Variants in CCDC192 observed in about 807,000 individuals in gnomAD.
CCDC192 encodes the protein coiled-coil domain containing 192, also known as coiled-coil domain-containing protein 192.
chr5:127,729,229 C>A (rs1320875364), intron 2 of CCDC192, among the ~76,000 whole-genome samples: 1 of 152,144 alleles, frequency 6.6e-6, no homozygotes, highest in East Asian at 1.9e-4. Context: ...TCTGACAAAA[C>A]AGACCTTAAG....
intron 6 of CCDC192, chr5:127,935,625 A>G (rs1163293352): frequency 6.6e-6 from 1 of 152,200 alleles, no homozygotes; most frequent in African/African-American, 2.4e-5. Flanking sequence ...TCTGATTAGC[A>G]ACAAGTGATG....
chr5:127,848,078 A>ATT (rs199865594), intron 5 of CCDC192, among the ~76,000 whole-genome samples: 1 of 149,160 alleles, frequency 6.7e-6, no homozygotes, highest in Non-Finnish European at 1.5e-5. Context: ...GATTACAGTG[A>ATT]TTTTTTTTTT....
At chr5:127,899,564 A>C (rs1381938870) in intron 6 of CCDC192, among the ~76,000 whole-genome samples, 1 of 84,882 alleles carries the variant, frequency 1.2e-5, no homozygotes, top group Non-Finnish European at 2.5e-5. Flanking sequence ...ACTGCACCAA[A>C]AAAAAAAAAA....
intron 2 of CCDC192, among the ~76,000 whole-genome samples, chr5:127,714,631 A>G (rs1751520849): frequency 6.6e-6 from 1 of 152,044 alleles, no homozygotes; most frequent in Non-Finnish European, 1.5e-5. Context: ...TGGCTTCCCA[A>G]ATTGCTGGGA....
At chr5:127,937,578 C>T (rs1357704230) in intron 6 of CCDC192, among the ~76,000 whole-genome samples, 2 of 152,212 alleles carry the variant, frequency 1.3e-5, no homozygotes, top group African/African-American at 4.8e-5. Flanking sequence ...AGACTTCCAG[C>T]CCCCAGAACT....
At chr5:127,839,739 G>A (rs6874357) in intron 5 of CCDC192, among the ~76,000 whole-genome samples, 48,609 of 151,802 alleles carry the variant, frequency 0.32, 8,479 homozygotes, top group Non-Finnish European at 0.4. Context: ...GTGTATCCTT[G>A]CCGATTGAAT....
At position 127,883,920 on chromosome 5, in the gene CCDC192, T is replaced by C. The variant is rs554564350; in HGVS notation, c.535+8259T>C. On this transcript the variant is annotated intron_variant, in intron 6 of 6. Transcript: ENST00000514853. Reference sequence around the variant, plus strand: ...GGTAAGGAGGCTGAACCGCGGGCTTTCTAGACTCCTCCGATGGCCCCTCCT... The same window carrying C: ...GGTAAGGAGGCTGAACCGCGGGCTTCCTAGACTCCTCCGATGGCCCCTCCT... 4.6e-5 allele frequency among the ~76,000 whole-genome samples: 7 copies of C among 152,254 alleles called. No individual in the cohort carries two copies. The East Asian group carries it at 1.4e-3, about 29-fold the overall frequency.
At position 127,752,694 on chromosome 5, in the gene CCDC192, G is replaced by A. The variant is rs530218905; in HGVS notation, c.115-1574G>A. ...TACCTAAGCAAGCCTGGGCAATGGC[G>A]GGCGCCCCTCCCCCAGCCTCGCTGC... On this transcript the variant is annotated intron_variant, in intron 2 of 6. Transcript: ENST00000514853. 1.4e-3 allele frequency among the ~76,000 whole-genome samples: 220 copies of A among 152,310 alleles called. No individual in the cohort carries two copies. The Middle Eastern group carries it at 0.031, about 21-fold the overall frequency.
At chr5:127,812,444 G>A (rs1758130232) in intron 5 of CCDC192, among the ~76,000 whole-genome samples, 1 of 152,186 alleles carries the variant, frequency 6.6e-6, no homozygotes, top group Non-Finnish European at 1.5e-5. Context: ...CATTAATGTT[G>A]ATGGTGATTA....
chr5:127,887,077 C>T (rs867908470), intron 6 of CCDC192, among the ~76,000 whole-genome samples: 1 of 152,122 alleles, frequency 6.6e-6, no homozygotes, highest in Admixed American at 6.6e-5. Flanking sequence ...CCTGTAATCC[C>T]AGCACTTTGG....
chr5:127,894,032 T>C (rs1752801709), intron 6 of CCDC192, among the ~76,000 whole-genome samples: 1 of 137,692 alleles, frequency 7.3e-6, no homozygotes, highest in South Asian at 2.5e-4. Context: ...TTGCGGTTTG[T>C]AAAAGAGTTG....
intron 5 of CCDC192, among the ~76,000 whole-genome samples, chr5:127,808,518 A>G (rs536912948): frequency 6.6e-6 from 1 of 151,634 alleles, no homozygotes; most frequent in African/African-American, 2.4e-5. Context: ...GTCTCCTGAT[A>G]CTCTCCCGCT....
In CCDC192 at chr5:127,776,675, G is replaced by T. The variant is rs114880412; in HGVS notation, c.223-20428G>T. 6.2e-3 allele frequency among the ~76,000 whole-genome samples: 944 copies of T among 152,286 alleles called. 6 individuals carry two copies. Among genetic ancestry groups the T allele is most frequent in the Non-Finnish European group, 0.01 (699 of 68,016 alleles). On this transcript the variant is annotated intron_variant, in intron 3 of 6. Coordinates refer to ENST00000514853, the MANE Select transcript of CCDC192 (RefSeq NM_001317938.2). ...GCATGGAGGCCTGGGAGGAAAAAAT[G>T]GTTTCATGGACTGGGCCCATGGTCC...
intron 2 of CCDC192, among the ~76,000 whole-genome samples, chr5:127,730,150 G>A (rs1752559871): frequency 6.6e-6 from 1 of 151,980 alleles, no homozygotes; most frequent in East Asian, 1.9e-4. Context: ...AGAAAAGAGA[G>A]AGGAATCAAA....
In CCDC192 at chr5:127,742,294, A is replaced by G. The variant is rs944195731; in HGVS notation, c.115-11974A>G. Among the ~76,000 whole-genome samples the G allele has an allele frequency of 2.6e-5, 4 of 152,336 alleles. No individual in the cohort carries two copies. In the South Asian group the frequency reaches 8.3e-4, roughly 32 times the overall value. On this transcript the variant is annotated intron_variant, in intron 2 of 6. Transcript: ENST00000514853. ...TAACTTCCATGCCAACAACCTTTTT[A>G]TAAATTAAAATCTGAGTCAACAATT... is the stretch of plus-strand genomic sequence containing the variant.
intron 2 of CCDC192, among the ~76,000 whole-genome samples, chr5:127,721,875 A>T (rs1752047364): frequency 6.6e-6 from 1 of 152,090 alleles, no homozygotes; most frequent in Non-Finnish European, 1.5e-5. Flanking sequence ...CACACTTTTA[A>T]ACAACCAGAT....
intron 2 of CCDC192, among the ~76,000 whole-genome samples, chr5:127,709,245 G>GAA (rs1751181840): frequency 8.0e-6 from 1 of 125,670 alleles, no homozygotes; most frequent in Non-Finnish European, 1.7e-5. Context: ...GAGAGAGAGA[G>GAA]AGAAATGCTA....
intron 6 of CCDC192, among the ~76,000 whole-genome samples, chr5:127,907,795 T>C (rs1211047056): frequency 1.3e-5 from 2 of 152,212 alleles, no homozygotes; most frequent in Non-Finnish European, 2.9e-5. Context: ...TGCTGGTGAC[T>C]CTTCTCTCAA....
intron 6 of CCDC192, among the ~76,000 whole-genome samples, chr5:127,920,048 G>A (rs1753664291): frequency 6.6e-6 from 1 of 152,178 alleles, no homozygotes. Flanking sequence ...ACACACACCT[G>A]CACTCCTATA....
Sources: gnomAD v4.1 joint callset for allele counts (sites outside exome capture counted in the v4.1 genomes callset) on GRCh38, gnomAD v4.1.1 for gene constraint, MANE v1.5 for transcripts, NCBI Gene and HGNC (gene_info 2026-07-23, HGNC 2026-07-21) for gene names.